The following ARHGAP15 variants were observed in gnomAD, a reference collection of about 807,000 sequenced individuals.
ARHGAP15 encodes rho GTPase-activating protein 15.
A neutral mutation model predicts 63.7 loss-of-function variants in ARHGAP15; 51 were observed. That is an observed-to-expected ratio of 0.80 (90% CI 0.64 to 1.01). The LOEUF is 1.01. ARHGAP15 is among the 50% of genes least tolerant of loss of function. The pLI is 0.00. For synonymous variants in ARHGAP15, 191 were observed against 193.8 expected (o/e 0.99, Z 0.12); for missense variants, 560 against 564.6 (o/e 0.99, Z 0.08).
chr2:143,362,378 C>A (rs577813774), intron 6 of ARHGAP15, among the ~76,000 whole-genome samples: 1 of 152,182 alleles, frequency 6.6e-6, no homozygotes, highest in East Asian at 1.9e-4. Flanking sequence ...CTTCTCTGGG[C>A]TTCTTTGGCA....
intron 11 of ARHGAP15, 79 bp from the exon 12 acceptor site, chr2:143,624,054 C>T: frequency 1.3e-6 from 2 of 1,526,836 alleles, no homozygotes; most frequent in Non-Finnish European, 1.8e-6. Flanking sequence ...TGATAGTAGG[C>T]AAACATTAAC....
chr2:143,416,902 C>T (rs1027564071), intron 6 of ARHGAP15, among the ~76,000 whole-genome samples: 1 of 146,972 alleles, frequency 6.8e-6, no homozygotes, highest in Non-Finnish European at 1.5e-5. Flanking sequence ...ACAGATTTCT[C>T]TCAGCATACT....
chr2:143,604,811 G>A (rs1697921477), intron 11 of ARHGAP15, among the ~76,000 whole-genome samples: 1 of 152,136 alleles, frequency 6.6e-6, no homozygotes, highest in Admixed American at 6.5e-5. Flanking sequence ...TAAATGCTCT[G>A]CTCTCTTTTG....
At chr2:143,334,148 T>C (rs1684670361) in intron 6 of ARHGAP15, among the ~76,000 whole-genome samples, 1 of 152,184 alleles carries the variant, frequency 6.6e-6, no homozygotes, top group Non-Finnish European at 1.5e-5. Context: ...CATACTGAAA[T>C]GGTAGGAACT....
chr2:143,385,335 C>T (rs1208697483), intron 6 of ARHGAP15, among the ~76,000 whole-genome samples: 1 of 152,172 alleles, frequency 6.6e-6, no homozygotes, highest in Non-Finnish European at 1.5e-5. Context: ...GAAGTGTTTT[C>T]TGTCACTTGA....
At chr2:143,460,914 T>C (rs543086155) in intron 8 of ARHGAP15, among the ~76,000 whole-genome samples, 5 of 152,234 alleles carry the variant, frequency 3.3e-5, no homozygotes, top group East Asian at 3.9e-4. Context: ...ATATTGACTA[T>C]GGGAATAGAG....
intron 5 of ARHGAP15, chr2:143,238,286 A>C (rs1693731762): frequency 6.6e-6 from 1 of 152,204 alleles, no homozygotes; most frequent in South Asian, 2.1e-4. Flanking sequence ...CAATTTTTGC[A>C]ATCTATTCAG....
intron 11 of ARHGAP15, among the ~76,000 whole-genome samples, chr2:143,601,933 A>C (rs1697786537): frequency 6.6e-6 from 1 of 152,198 alleles, no homozygotes; most frequent in Non-Finnish European, 1.5e-5. Context: ...TTGTTTTCAT[A>C]TAACATAAAA....
At chr2:143,661,940 T>A (rs1003806992) in intron 12 of ARHGAP15, among the ~76,000 whole-genome samples, 2 of 152,152 alleles carry the variant, frequency 1.3e-5, no homozygotes, top group Non-Finnish European at 2.9e-5. Context: ...GTCTCGCTGA[T>A]TGCTAGCACA....
chr2:143,272,844 T>A (rs965587782), intron 6 of ARHGAP15, among the ~76,000 whole-genome samples: 5 of 152,190 alleles, frequency 3.3e-5, no homozygotes, highest in African/African-American at 1.2e-4. Flanking sequence ...ATCAAATAGG[T>A]ACTTGACCAC....
chr2:143,275,599 AT>A (rs1681509645), intron 6 of ARHGAP15, among the ~76,000 whole-genome samples: 1 of 152,070 alleles, frequency 6.6e-6, no homozygotes, highest in African/African-American at 2.4e-5. Flanking sequence ...CCAGTGAGCA[AT>A]TTTTCCTTAA....
intron 6 of ARHGAP15, among the ~76,000 whole-genome samples, chr2:143,346,250 TCACACACACACACA>T (rs138964635): frequency 7.2e-6 from 1 of 138,634 alleles, no homozygotes; most frequent in Non-Finnish European, 1.6e-5. Context: ...ACACACACAC[TCACACACACACACA>T]CACACACACA....
chr2:143,608,204 G>A (rs565590867), intron 11 of ARHGAP15: 3 of 152,212 alleles, frequency 2.0e-5, no homozygotes, highest in East Asian at 3.9e-4. Context: ...AAAGGACTTC[G>A]GCCGTTAAGA....
chr2:143,511,080 G>A (rs1038487312), intron 9 of ARHGAP15, among the ~76,000 whole-genome samples: 1 of 152,190 alleles, frequency 6.6e-6, no homozygotes, highest in East Asian at 1.9e-4. Flanking sequence ...GCAGTGATGA[G>A]GGAGAATGAA....
At chr2:143,759,685 T>TCC (rs56986070) in intron 13 of ARHGAP15, among the ~76,000 whole-genome samples, 2,149 of 152,204 alleles carry the variant, frequency 0.014, 47 homozygotes, top group Non-Finnish European at 0.024. Flanking sequence ...TACCTACCAT[T>TCC]CCCCGCCCAG....
At chr2:143,348,252 C>T (rs1189289045) in intron 6 of ARHGAP15, among the ~76,000 whole-genome samples, 1 of 152,064 alleles carries the variant, frequency 6.6e-6, no homozygotes, top group Non-Finnish European at 1.5e-5. Context: ...GTGTTTAAGC[C>T]AAAGTTGAAT....
chr2:143,344,934 G>T (rs79090868), intron 6 of ARHGAP15, among the ~76,000 whole-genome samples: 2 of 152,050 alleles, frequency 1.3e-5, no homozygotes, highest in East Asian at 3.9e-4. Flanking sequence ...GCTCTTAAGC[G>T]GTCGGAAAAT....
chr2:143,425,662 A>G (rs2105064106), intron 6 of ARHGAP15, among the ~76,000 whole-genome samples: 1 of 152,274 alleles, frequency 6.6e-6, no homozygotes, highest in South Asian at 2.1e-4. Context: ...CATTCTCAGA[A>G]GAAAATTTTC....
intron 6 of ARHGAP15, among the ~76,000 whole-genome samples, chr2:143,420,368 C>T (rs1403797658): frequency 2.6e-5 from 4 of 152,120 alleles, no homozygotes; most frequent in African/African-American, 9.7e-5. Flanking sequence ...GTCTTGAAGG[C>T]AGCACAGAAG....
Sources: allele counts gnomAD v4.1 joint callset (sites outside exome capture counted in the v4.1 genomes callset), GRCh38; gene constraint gnomAD v4.1.1; transcripts MANE v1.5; gene names NCBI Gene and HGNC (gene_info 2026-07-23, HGNC 2026-07-21).